CFAP74: variants seen among roughly 807,000 people sequenced by gnomAD.
CFAP74 encodes cilia and flagella associated protein 74.
Under a neutral mutation model 188.9 loss-of-function variants are expected in CFAP74, and 124 were observed. That is an observed-to-expected ratio of 0.66 (90% CI 0.57 to 0.76). The LOEUF (loss-of-function observed/expected upper bound fraction) is 0.76. Ranked by LOEUF, CFAP74 falls within the 30% of genes least tolerant of loss-of-function variation. The probability of loss-of-function intolerance (pLI) is 0.00; values close to 1 mark genes in which losing one functional copy is unlikely to be tolerated. For synonymous variants in CFAP74, 956 were observed against 916.7 expected (o/e 1.04, Z -0.77); for missense variants, 2,198 against 2,165.2 (o/e 1.02, Z -0.30).
At position 1,923,531 on chromosome 1, in the gene CFAP74, C is replaced by T. The variant is rs200466895; in HGVS notation, c.4390-32G>A. On this transcript the variant is annotated intron_variant, in intron 35 of 38. Transcript: ENST00000682832. This position sits in a 1 kb window ranked among gnomAD's most constrained non-coding sequence, Gnocchi z 6.3. Reference sequence around the variant, plus strand: ...ACAAGAAGTGGAGTGGCCTTGTCCCCGAAGCTCGGCGGCAGGGGTCCTGCT... The same window carrying T: ...ACAAGAAGTGGAGTGGCCTTGTCCCTGAAGCTCGGCGGCAGGGGTCCTGCT... 31 of 1,593,222 alleles carry T rather than the reference C, an allele frequency of 1.9e-5. No individual in the cohort carries two copies. The highest frequency in any genetic ancestry group is 4.5e-5 in the East Asian group (2 of 44,386).
Position 1,971,982 on chromosome 1 carries a change from G to A in CFAP74, c.886C>T (p.Arg296Trp), listed in dbSNP as rs758203916. The A allele has an allele frequency of 3.3e-5, 53 of 1,608,120 alleles. No homozygotes were observed. The highest frequency in any genetic ancestry group is 1.6e-4 in the Middle Eastern group (1 of 6,082). Residue 296 changes from arginine to tryptophan, a missense_variant and splice_region_variant, in exon 9 of 39, where the codon CGG becomes TGG. Transcript: ENST00000682832. ...TGGGTGGGGCTGCGGGGGCCTACCC[G>A]GTTCGCGGAGATGCTGCCCTTCAGC... ...VALKGSISAN[R>W]DTLRKFQAWD...
In CFAP74 at chr1:1,957,918, G is replaced by A. The variant is rs547128556; in HGVS notation, c.1852-1134C>T. On this transcript the variant is annotated intron_variant, in intron 16 of 38. Transcript: ENST00000682832. ...GCAGCCACAGGGCAAGGAGCTGCTC[G>A]GGTGCCCTAGGACGGCAGTGGTCCC... is the stretch of plus-strand genomic sequence containing the variant. 3.3e-4 allele frequency among the ~76,000 whole-genome samples: 51 copies of A among 152,334 alleles called. 1 individual carries two copies. Among genetic ancestry groups the A allele is most frequent in the African/African-American group, 1.2e-3 (49 of 41,584 alleles).
At chr1:1,958,353 A>T (rs2748973) in intron 16 of CFAP74, among the ~76,000 whole-genome samples, 125,095 of 152,214 alleles carry the variant, frequency 0.82, 51,549 homozygotes, top group East Asian at 0.86. Context: ...CCTTGACCTG[A>T]GAATTCTTAG....
Position 1,926,259 on chromosome 1 carries a change from A to C in CFAP74, c.3917T>G (p.Val1306Gly). The change falls in exon 32 of 39, where the codon GTG becomes GGG. Residue 1306 changes from valine to glycine, a missense_variant. By Grantham distance (109) the Val-to-Gly change is moderately radical. Transcript: ENST00000682832. The part of the protein sequence containing the change: ...LLRAGGTQVL[V>G]LSFSPHESIL... ...GCTCTCGTGGGGAGAGAAGGAAAGC[A>C]CCAGGACCTGGGTCCCACCTGCACG... The C allele has an allele frequency of 6.5e-7, 1 of 1,531,542 alleles. No individual in the cohort carries two copies. The highest frequency in any genetic ancestry group is 8.8e-7 in the Non-Finnish European group (1 of 1,136,580). 94.9% of individuals were successfully genotyped at this position (1,531,542 alleles called of 1,614,324 possible).
intron 25 of CFAP74, among the ~76,000 whole-genome samples, chr1:1,934,303 C>G (rs964419110): frequency 1.3e-4 from 18 of 141,160 alleles, no homozygotes; most frequent in African/African-American, 3.9e-4. Context: ...GTTGTAGGTA[C>G]ACAGGTGTAC....
intron 25 of CFAP74, among the ~76,000 whole-genome samples, chr1:1,933,035 G>A (rs1309797546): frequency 9.4e-5 from 14 of 148,684 alleles, no homozygotes; most frequent in Admixed American, 6.8e-4. Flanking sequence ...ATAGGCGCCC[G>A]CCACCATGCC....
rs375408864 is a variant in CFAP74, at chr1:1,968,837, C to A, written c.1047-4G>T. 4 of 1,613,678 alleles carry A rather than the reference C, an allele frequency of 2.5e-6. No individual in the cohort carries two copies. The African/African-American group carries it at 5.3e-5, about 22-fold the overall frequency. ...CTTCTGCTCCTCCTCAAAGGCCCTG[C>A]GTGGAGTCGCTTCTCAGATGAGTGC... On this transcript the variant is annotated splice_polypyrimidine_tract_variant and splice_region_variant and intron_variant, in intron 10 of 38. Coordinates refer to ENST00000682832, the MANE Select transcript of CFAP74 (RefSeq NM_001304360.2). This position sits in a 1 kb window ranked among gnomAD's most constrained non-coding sequence, Gnocchi z 4.3.
chr1:1,959,023 C>G, intron 16 of CFAP74, 97 bp downstream of exon 16: 2 of 820,258 alleles, frequency 2.4e-6, no homozygotes, highest in Non-Finnish European at 4.0e-6. Context: ...CTGGTCCCCC[C>G]GCCAACCTGC....
chr1:1,988,354 G>T (rs953772651), intron 4 of CFAP74, among the ~76,000 whole-genome samples, 158 bp downstream of exon 4: 1 of 152,164 alleles, frequency 6.6e-6, no homozygotes, highest in African/African-American at 2.4e-5. Context: ...TAGCTCCCGG[G>T]TGGGGCTTGC....
At chr1:1,972,190 C>T (rs1656133054) in intron 8 of CFAP74, 108 bp from the exon 9 acceptor site, 9 of 796,070 alleles carry the variant, frequency 1.1e-5, no homozygotes, top group Non-Finnish European at 1.7e-5. Flanking sequence ...AAGTGATCCT[C>T]CTGTCTCAGC....
Position 1,942,672 on chromosome 1 carries a change from A to AG in CFAP74, c.2487-517dup, listed in dbSNP as rs1308978761. Among the ~76,000 whole-genome samples, 1 of 152,158 alleles carries AG rather than the reference A, an allele frequency of 6.6e-6. No individual in the cohort carries two copies. The highest frequency in any genetic ancestry group is 1.5e-5 in the Non-Finnish European group (1 of 68,008). On this transcript the variant is annotated intron_variant, in intron 21 of 38. Coordinates refer to ENST00000682832, the MANE Select transcript of CFAP74 (RefSeq NM_001304360.2). The surrounding 1 kb of genome is among the most constrained non-coding windows in gnomAD (Gnocchi z 4.3). ...CCAAGGTACCCGCCAGTCACCTGGG[A>AG]GGCCATGCGTCTGTCCGGTCCCTAC...
intron 27 of CFAP74, chr1:1,927,963 T>C: frequency 1.7e-6 from 1 of 574,188 alleles, no homozygotes; most frequent in Non-Finnish European, 3.1e-6. Context: ...GGCGTCTGCT[T>C]CACCAGAGGA....
At position 1,939,632 on chromosome 1, in the gene CFAP74, G is replaced by T; in HGVS notation, c.2839C>A (p.Leu947Ile). ...ACGAACCCGAACTCCTGGGGCAGGA[G>T]CGAGTGGTTGTGGAGGCTGATTTCC... ...RTEISLHNHSLLPQEFGFVRL... is the reference protein window; with the variant it reads ...RTEISLHNHSILPQEFGFVRL... The change falls in exon 24 of 39, where the codon CTC (leucine) becomes ATC (isoleucine). Residue 947 changes from leucine (L) to isoleucine (I), a missense_variant. Physicochemically the swap from Leu to Ile is conservative, Grantham distance 5. Transcript: ENST00000682832. The T allele has an allele frequency of 2.6e-6, 4 of 1,536,104 alleles. No individual in the cohort carries two copies. The highest frequency in any genetic ancestry group is 3.5e-6 in the Non-Finnish European group (4 of 1,146,870).
chr1:1,939,875 T>A, intron 23 of CFAP74, 108 bp from the exon 24 acceptor site: 1 of 1,087,792 alleles, frequency 9.2e-7, no homozygotes, highest in Non-Finnish European at 1.3e-6. Context: ...CATGGCCCAC[T>A]GTTTCCAGGA....
chr1:1,993,410 A>AAAGGAGCTGGG (rs1324537524), intron 1 of CFAP74, among the ~76,000 whole-genome samples: 1 of 151,312 alleles, frequency 6.6e-6, no homozygotes, highest in Non-Finnish European at 1.5e-5. Context: ...TCAGCCTCCC[A>AAAGGAGCTGGG]AAGGAGCTGG....
chr1:1,953,828 C>T (rs1467428657), intron 18 of CFAP74: 1 of 152,866 alleles, frequency 6.5e-6, no homozygotes, highest in Non-Finnish European at 1.5e-5. Context: ...AAAACAAATT[C>T]CAATAGAAAT....
rs185839973 is a variant in CFAP74 at position 1,999,839 on chromosome 1, C to A, written c.-20+3862G>T. On this transcript the variant is annotated intron_variant, in intron 1 of 38. Transcript: ENST00000682832. The stretch of plus-strand genomic sequence containing the variant: ...CTCAAACAAATAAACAAAACCAAAT[C>A]TTTTGTTCAGATGACATCCTAGGGA... Among the ~76,000 whole-genome samples, 29 of 148,682 alleles carry A rather than the reference C, an allele frequency of 2.0e-4. No homozygotes were observed. The East Asian group carries it at 4.7e-3, about 24-fold the overall frequency.
At chr1:2,000,695 T>A (rs552629554) in intron 1 of CFAP74, among the ~76,000 whole-genome samples, 1 of 152,318 alleles carries the variant, frequency 6.6e-6, no homozygotes, top group African/African-American at 2.4e-5. Flanking sequence ...GGACATTCTC[T>A]CTGTGTGCAT....
rs755467514 is a variant in CFAP74 at position 1,923,833 on chromosome 1, C to G, written c.4331G>C (p.Ser1444Thr). Residue 1444 changes from serine (S) to threonine (T), a missense_variant, in exon 35 of 39, where the codon AGC becomes ACC. Coordinates refer to ENST00000682832, the MANE Select transcript of CFAP74 (RefSeq NM_001304360.2). This position sits in a 1 kb window ranked among gnomAD's most constrained non-coding sequence, Gnocchi z 6.3. ...GKTQDFTVTFSPDHESLYFSD... is the reference protein window; with the variant it reads ...GKTQDFTVTFTPDHESLYFSD... Reference sequence around the variant, plus strand: ...GAAGTAGAGGCTTTCGTGGTCGGGGCTGAAGGTGACAGTGAAGTCTTGTGT... The same window carrying G: ...GAAGTAGAGGCTTTCGTGGTCGGGGGTGAAGGTGACAGTGAAGTCTTGTGT... The G allele has an allele frequency of 1.3e-5, 21 of 1,613,326 alleles. No individual in the cohort carries two copies. The East Asian group carries it at 4.7e-4, about 36-fold the overall frequency.
Sources: allele counts gnomAD v4.1 joint callset (sites outside exome capture counted in the v4.1 genomes callset), GRCh38; gene constraint gnomAD v4.1.1; non-coding constraint Gnocchi (gnomAD v3.1); transcripts MANE v1.5; gene names NCBI Gene and HGNC (gene_info 2026-07-23, HGNC 2026-07-21).